Variants in PLD3 observed in about 807,000 individuals in gnomAD.
PLD3 encodes the protein phospholipase D family member 3.
Under a neutral mutation model 58.4 loss-of-function variants are expected in PLD3, and 31 were observed. The observed-to-expected ratio is 0.53, with a 90% CI of 0.40 to 0.72. The LOEUF (loss-of-function observed/expected upper bound fraction) is 0.72. PLD3 is among the 30% of genes least tolerant of loss of function. PLD3 has a pLI of 0.00. For missense variants in PLD3, 595 were observed against 659.8 expected (o/e 0.90, Z 1.08); for synonymous variants, 264 against 273.4 (o/e 0.97, Z 0.34).
intron 6 of PLD3, among the ~76,000 whole-genome samples, chr19:40,369,400 C>T (rs1422708079): frequency 6.6e-6 from 1 of 152,174 alleles, no homozygotes; most frequent in Non-Finnish European, 1.5e-5. Flanking sequence ...CAAAATCCCA[C>T]TCCACTACTG....
At chr19:40,351,985 A>G (rs534432570) in intron 1 of PLD3, among the ~76,000 whole-genome samples, 1 of 152,212 alleles carries the variant, frequency 6.6e-6, no homozygotes, top group South Asian at 2.1e-4. Context: ...CCTGTCAAAG[A>G]TCGAGACCGG....
At chr19:40,377,356 G>T (rs1338147737) in intron 11 of PLD3, among the ~76,000 whole-genome samples, 1 of 136,966 alleles carries the variant, frequency 7.3e-6, no homozygotes, top group African/African-American at 2.8e-5. Context: ...GGTCAGGGCT[G>T]GGATGGGGGG....
intron 9 of PLD3, among the ~76,000 whole-genome samples, chr19:40,373,093 C>G (rs759164150): frequency 6.6e-5 from 10 of 152,146 alleles, no homozygotes; most frequent in Non-Finnish European, 1.5e-4. Flanking sequence ...CCAGGTCTCC[C>G]TAGGTCCCCC....
chr19:40,371,924 TCA>T, intron 9 of PLD3, 51 bp downstream of exon 9: 2 of 1,427,814 alleles, frequency 1.4e-6, no homozygotes, highest in East Asian at 4.5e-5. Flanking sequence ...ATGCCGTCAC[TCA>T]CAGCCTCCAT....
chr19:40,367,933 G>A lies in PLD3; in HGVS notation c.429+54G>A, dbSNP rs3745197. On this transcript the variant is annotated intron_variant, in intron 6 of 12. Transcript: ENST00000409735. ...GCAGGGGCAGGGGGTGGGAGGCAGC[G>A]GGGGCTGTGGGGAATGAAGGGGTTT... 1,386 of 1,424,916 alleles carry A rather than the reference G, an allele frequency of 9.7e-4. 28 individuals are homozygous for A. The East Asian group carries it at 0.028, about 29-fold the overall frequency. 88.3% of individuals were successfully genotyped at this position (1,424,916 alleles called of 1,614,324 possible). A position where few individuals can be genotyped will look rare whatever the true frequency, so the allele number is the denominator to read the frequency against.
chr19:40,376,832 G>C, intron 11 of PLD3, 58 bp downstream of exon 11: 2 of 1,483,126 alleles, frequency 1.3e-6, no homozygotes, highest in Non-Finnish European at 1.8e-6. Context: ...TAGGGACACA[G>C]CCCTCATGGG....
chr19:40,378,395 G>A lies in PLD3; in HGVS notation c.*222G>A, dbSNP rs1054811701. On this transcript the variant is annotated 3_prime_UTR_variant, in exon 13 of 13. Transcript: ENST00000409735. Reference sequence around the variant, plus strand: ...AGGGATCAGCCCCCAAAGAAATGGGGGTGCATGCTGGGCCTGGCCCCCTGG... The same window carrying A: ...AGGGATCAGCCCCCAAAGAAATGGGAGTGCATGCTGGGCCTGGCCCCCTGG... The A allele has an allele frequency of 3.1e-6, 2 of 646,910 alleles. No individual in the cohort carries two copies. Among genetic ancestry groups the A allele is most frequent in the Admixed American group, 5.0e-5 (2 of 39,980 alleles). 40.1% of individuals were successfully genotyped at this position (646,910 alleles called of 1,614,324 possible).
chr19:40,350,269 A>T, intron 1 of PLD3, among the ~76,000 whole-genome samples: 1 of 151,740 alleles, frequency 6.6e-6, no homozygotes. Flanking sequence ...TCAAAAAAAA[A>T]AAAAAAAAAA....
chr19:40,373,393 G>A (rs971837371), intron 9 of PLD3, among the ~76,000 whole-genome samples: 13 of 151,850 alleles, frequency 8.6e-5, no homozygotes, highest in Non-Finnish European at 1.6e-4. Context: ...CCTGGGAAAC[G>A]TGATGAAACC....
In PLD3 at chr19:40,367,973, G is replaced by A; in HGVS notation, c.429+94G>A. 3 of 1,066,306 alleles carry A rather than the reference G, an allele frequency of 2.8e-6. No individual in the cohort carries two copies. In the South Asian group the frequency reaches 4.6e-5, roughly 16 times the overall value. 66.1% of individuals were successfully genotyped at this position (1,066,306 alleles called of 1,614,324 possible). ...TGAAGGGGTTTCTCCTGCAGCCCAG[G>A]AGACAGAGGGGTGTGTCTCACACAG... On this transcript the variant is annotated intron_variant, in intron 6 of 12. Coordinates refer to ENST00000409735, the MANE Select transcript of PLD3 (RefSeq NM_012268.4).
chr19:40,371,544 T>C (rs114649421), intron 8 of PLD3, 129 bp from the exon 9 acceptor site: 3 of 617,686 alleles, frequency 4.9e-6, no homozygotes, highest in Middle Eastern at 3.2e-4. Context: ...TCTAGGACTT[T>C]AGCTATTGGA....
At position 40,348,722 on chromosome 19, in the gene PLD3, A is replaced by G; in HGVS notation, c.-325A>G. ...GCCGTCAGGCGGGGATACAGCCTGG[A>G]AGGTGCGTGTGGGGCTGGGTCTCGG... On this transcript the variant is annotated 5_prime_UTR_variant, in exon 1 of 13. Transcript: ENST00000409735. The G allele has an allele frequency of 1.8e-6, 1 of 544,422 alleles. No homozygotes were observed. The highest frequency in any genetic ancestry group is 3.0e-5 in the South Asian group (1 of 33,534). The allele number at this position is 544,422 out of a possible 1,614,324, so 33.7% of individuals were successfully genotyped here.
At chr19:40,376,031 T>C (rs2145705209) in intron 10 of PLD3, among the ~76,000 whole-genome samples, 1 of 148,376 alleles carries the variant, frequency 6.7e-6, no homozygotes, top group East Asian at 2.0e-4. Context: ...CCAGCCTGGG[T>C]GATAGAGCAA....
chr19:40,359,558 G>A (rs1260402213), intron 1 of PLD3: 1 of 152,180 alleles, frequency 6.6e-6, no homozygotes, highest in Non-Finnish European at 1.5e-5. Flanking sequence ...GCAGGGAGGG[G>A]GCCTGATTTC....
At chr19:40,366,740 T>A in intron 4 of PLD3, 33 bp from the exon 5 acceptor site, 1 of 1,613,754 alleles carries the variant, frequency 6.2e-7, no homozygotes, top group Non-Finnish European at 8.5e-7. Flanking sequence ...GCTGCCCCCC[T>A]CGGGCTGGCT....
In PLD3 at chr19:40,366,831, T is replaced by C. The variant is rs2078936019; in HGVS notation, c.161T>C (p.Met54Thr). 6.2e-7 allele frequency: 1 copy of C among 1,613,926 alleles called. No individual in the cohort carries two copies. Among genetic ancestry groups the C allele is most frequent in the Admixed American group, 1.7e-5 (1 of 59,992 alleles). The change falls in exon 5 of 13, where the codon ATG becomes ACG. Residue 54 changes from methionine (M) to threonine (T), a missense_variant. Physicochemically the swap from Met to Thr is moderately conservative, Grantham distance 81. Coordinates refer to ENST00000409735, the MANE Select transcript of PLD3 (RefSeq NM_012268.4). ...ILAVVGFGAL[M>T]TQLFLWEYGD... ...GCGGTTGTGGGCTTCGGAGCCCTGATGACTCAGCTGTTTCTATGGGAATAC... is the reference window on the plus strand; with the variant it reads ...GCGGTTGTGGGCTTCGGAGCCCTGACGACTCAGCTGTTTCTATGGGAATAC...
chr19:40,367,584 A>T, intron 5 of PLD3, 112 bp from the exon 6 acceptor site: 1 of 737,734 alleles, frequency 1.4e-6, no homozygotes, highest in East Asian at 3.3e-5. Flanking sequence ...TCTGTCTCTA[A>T]AAAAAAAAAA....
Position 40,371,757 on chromosome 19 carries a change from GGCCAGGCAGGCA to G in PLD3, c.766_777del (p.Gln256_Ser259del). ...GATCTTTGAGGCCTACTGGTTCCTG[GGCCAGGCAGGCA>G]GCTCCATCCCATCAACTTGGCCCCG... On this transcript the variant is annotated inframe_deletion, in exon 9 of 13. Coordinates refer to ENST00000409735, the MANE Select transcript of PLD3 (RefSeq NM_012268.4). 6.2e-7 allele frequency: 1 copy of G among 1,613,952 alleles called. No individual in the cohort carries two copies. Among genetic ancestry groups the G allele is most frequent in the Non-Finnish European group, 8.5e-7 (1 of 1,179,948 alleles).
intron 5 of PLD3, 68 bp from the exon 6 acceptor site, chr19:40,367,628 G>A (rs775676110): frequency 1.5e-6 from 2 of 1,379,166 alleles, no homozygotes; most frequent in South Asian, 2.5e-5. Context: ...TGGACGGACA[G>A]CTGAGCACTC....
Sources: gnomAD v4.1 joint callset for allele counts (sites outside exome capture counted in the v4.1 genomes callset) on GRCh38, gnomAD v4.1.1 for gene constraint, MANE v1.5 for transcripts, NCBI Gene and HGNC (gene_info 2026-07-23, HGNC 2026-07-21) for gene names.